The following ASTN2 variants were observed in gnomAD, a reference collection of about 807,000 sequenced individuals.
The protein encoded by ASTN2 is astrotactin 2, also known as astrotactin-2.
Under a neutral mutation model 139.8 loss-of-function variants are expected in ASTN2, and 54 were observed. The ratio of observed to expected loss-of-function variants is 0.39; its 90% CI spans 0.31 to 0.48. ASTN2 has a LOEUF of 0.48. Ranked by LOEUF, ASTN2 falls within the 20% of genes least tolerant of loss-of-function variation. The pLI, the probability that ASTN2 is intolerant of heterozygous loss-of-function variation, is 0.95. For synonymous variants in ASTN2, 756 were observed against 719.5 expected (o/e 1.05, Z -0.81); for missense variants, 1,565 against 1,725.1 (o/e 0.91, Z 1.64).
intron 10 of ASTN2, among the ~76,000 whole-genome samples, chr9:116,881,927 T>C (rs1833459176): frequency 7.9e-6 from 1 of 126,196 alleles, no homozygotes. Context: ...CACAACTTAA[T>C]GAATGGAGTT....
intron 5 of ASTN2, among the ~76,000 whole-genome samples, chr9:117,057,986 A>C (rs1587912992): frequency 6.6e-6 from 1 of 152,266 alleles, no homozygotes; most frequent in East Asian, 1.9e-4. Flanking sequence ...AACATATGAA[A>C]GTATGTTGTT....
intron 6 of ASTN2, among the ~76,000 whole-genome samples, chr9:117,026,473 C>T (rs10120787): frequency 6.6e-6 from 1 of 152,084 alleles, no homozygotes; most frequent in East Asian, 1.9e-4. Flanking sequence ...GGTCATCAAC[C>T]TTTCAGGGAT....
intron 13 of ASTN2, among the ~76,000 whole-genome samples, chr9:116,758,863 T>C (rs942831292): frequency 6.6e-6 from 1 of 152,080 alleles, no homozygotes; most frequent in African/African-American, 2.4e-5. Flanking sequence ...CACAAACACA[T>C]GTTGGATAAA....
chr9:117,354,220 A>C (rs1159467441), intron 1 of ASTN2, among the ~76,000 whole-genome samples: 3 of 152,222 alleles, frequency 2.0e-5, no homozygotes, highest in South Asian at 2.1e-4. Context: ...AACTACCCCC[A>C]AAAATGAAAC....
At chr9:116,969,649 C>A (rs1230303634) in intron 10 of ASTN2, among the ~76,000 whole-genome samples, 2 of 152,186 alleles carry the variant, frequency 1.3e-5, no homozygotes, top group Middle Eastern at 3.4e-3. Flanking sequence ...CCTTACTATG[C>A]CAAAAGCCAT....
chr9:117,133,436 C>A (rs964705082), intron 4 of ASTN2, among the ~76,000 whole-genome samples: 1 of 152,164 alleles, frequency 6.6e-6, no homozygotes, highest in Non-Finnish European at 1.5e-5. Context: ...GAGCACACTG[C>A]CACAATGCCA....
chr9:116,790,350 G>T (rs553127574), intron 13 of ASTN2, among the ~76,000 whole-genome samples: 14 of 152,178 alleles, frequency 9.2e-5, no homozygotes, highest in African/African-American at 2.2e-4. Flanking sequence ...AAGGTGCAAG[G>T]TCTTACAGCT....
intron 16 of ASTN2, among the ~76,000 whole-genome samples, chr9:116,723,120 G>C (rs943785358): frequency 6.6e-6 from 1 of 151,838 alleles, no homozygotes; most frequent in Non-Finnish European, 1.5e-5. Flanking sequence ...AGCAGAGATC[G>C]TGCCACTGAG....
chr9:117,106,106 G>A (rs547313100), intron 4 of ASTN2, among the ~76,000 whole-genome samples: 2 of 152,264 alleles, frequency 1.3e-5, no homozygotes, highest in Admixed American at 6.5e-5. Flanking sequence ...TCTAGATTCC[G>A]TCCAGACTTT....
intron 10 of ASTN2, among the ~76,000 whole-genome samples, chr9:116,874,799 C>T (rs1292953851): frequency 3.3e-5 from 5 of 152,100 alleles, no homozygotes; most frequent in Admixed American, 6.5e-5. Context: ...GATTGAAGGT[C>T]GGTGGCTACC....
chr9:117,313,385 A>T (rs905252970), intron 1 of ASTN2, among the ~76,000 whole-genome samples: 19 of 152,204 alleles, frequency 1.2e-4, no homozygotes, highest in Non-Finnish European at 2.1e-4. Context: ...ATGGGGCCTC[A>T]GGGTGGTCAG....
intron 3 of ASTN2, among the ~76,000 whole-genome samples, chr9:117,143,343 A>G (rs745581811): frequency 2.6e-5 from 4 of 152,232 alleles, no homozygotes; most frequent in Non-Finnish European, 5.9e-5. Context: ...TATAGCCTGC[A>G]GTATGACTCT....
In ASTN2 at chr9:117,405,170, G is replaced by C. The variant is rs566654350; in HGVS notation, c.442+9327C>G. Reference sequence around the variant, plus strand: ...ATATAAGAAACGCCTGCAGCTTCTTGGTCATGAGAAGAGGATGACATAAGA... The same window carrying C: ...ATATAAGAAACGCCTGCAGCTTCTTCGTCATGAGAAGAGGATGACATAAGA... On this transcript the variant is annotated intron_variant, in intron 1 of 22. Transcript: ENST00000313400. Among the ~76,000 whole-genome samples, 7 of 152,314 alleles carry C rather than the reference G, an allele frequency of 4.6e-5. No homozygotes were observed. In the South Asian group the frequency reaches 1.0e-3, roughly 23 times the overall value.
chr9:117,315,426 G>A (rs1044837772), intron 1 of ASTN2, among the ~76,000 whole-genome samples: 2 of 152,210 alleles, frequency 1.3e-5, no homozygotes, highest in African/African-American at 2.4e-5. Context: ...CCAACCATGT[G>A]AGTTTAAAGC....
chr9:117,373,105 CTCAT>C (rs1421146082), intron 1 of ASTN2, among the ~76,000 whole-genome samples: 1 of 152,120 alleles, frequency 6.6e-6, no homozygotes, highest in Non-Finnish European at 1.5e-5. Flanking sequence ...GAGGAACACA[CTCAT>C]TATTATTGAG....
intron 20 of ASTN2, among the ~76,000 whole-genome samples, chr9:116,461,182 TCC>T: frequency 6.6e-6 from 1 of 151,622 alleles, no homozygotes; most frequent in East Asian, 1.9e-4. Flanking sequence ...GCTTTATTTT[TCC>T]TTCACAAGAT....
chr9:116,671,999 T>C (rs963296801), intron 16 of ASTN2, among the ~76,000 whole-genome samples: 5 of 152,146 alleles, frequency 3.3e-5, no homozygotes, highest in Admixed American at 6.5e-5. Context: ...GTGTGTTGTT[T>C]CGAGTGGCAA....
intron 6 of ASTN2, among the ~76,000 whole-genome samples, chr9:117,034,630 C>A (rs1392555171): frequency 6.6e-6 from 1 of 152,132 alleles, no homozygotes; most frequent in African/African-American, 2.4e-5. Flanking sequence ...CTAGAGAGTT[C>A]TTGTAAAGAA....
intron 3 of ASTN2, among the ~76,000 whole-genome samples, chr9:117,179,280 T>C (rs1399036119): frequency 6.6e-6 from 1 of 152,172 alleles, no homozygotes; most frequent in Non-Finnish European, 1.5e-5. Flanking sequence ...TATATAAATA[T>C]ATATAATGAT....
Sources: allele counts gnomAD v4.1 joint callset (sites outside exome capture counted in the v4.1 genomes callset), GRCh38; gene constraint gnomAD v4.1.1; transcripts MANE v1.5; gene names NCBI Gene and HGNC (gene_info 2026-07-23, HGNC 2026-07-21).